Variants in COL27A1 observed in about 807,000 individuals in gnomAD.
COL27A1 encodes collagen type XXVII alpha 1 chain, also known as collagen alpha-1(XXVII) chain.
Under a neutral mutation model 251.3 loss-of-function variants are expected in COL27A1, and 106 were observed. That is an observed-to-expected ratio of 0.42 (90% CI 0.36 to 0.50). The LOEUF (loss-of-function observed/expected upper bound fraction) is 0.50. Among genes scored for constraint, COL27A1 ranks in the 20% least tolerant of loss-of-function variants. The probability of loss-of-function intolerance (pLI) is 0.00; values close to 1 mark genes in which losing one functional copy is unlikely to be tolerated. For missense variants in COL27A1, 2,325 were observed against 2,522.8 expected, an observed-to-expected ratio of 0.92 and a Z score of 1.68; for synonymous variants, 1,000 against 986.3, an observed-to-expected ratio of 1.01 and a Z score of -0.26.
At chr9:114,309,940 G>A (rs1335024571) in intron 60 of COL27A1, among the ~76,000 whole-genome samples, 3 of 152,230 alleles carry the variant, frequency 2.0e-5, no homozygotes, top group Admixed American at 6.5e-5. Context: ...GTGTTCATGA[G>A]GATGTGGGGA....
chr9:114,225,948 G>T (rs1439335532), intron 14 of COL27A1, among the ~76,000 whole-genome samples: 1 of 152,096 alleles, frequency 6.6e-6, no homozygotes, highest in Non-Finnish European at 1.5e-5. Flanking sequence ...TGGAAGTGTC[G>T]GGCTTGTCAC....
intron 8 of COL27A1, 41 bp from the exon 9 acceptor site, chr9:114,205,718 G>C: frequency 1.9e-6 from 3 of 1,590,768 alleles, no homozygotes; most frequent in Non-Finnish European, 2.6e-6. Context: ...GAGCTGGGCA[G>C]GGTCTTTCTT....
intron 49 of COL27A1, among the ~76,000 whole-genome samples, chr9:114,299,500 C>A (rs1161195671): frequency 2.6e-5 from 4 of 152,180 alleles, no homozygotes. Flanking sequence ...TTCCTGGAAT[C>A]GTTCACACTG....
rs1423059437 is a variant in COL27A1, at chr9:114,308,333, A to AATTTGG, written c.5217+556_5217+561dup. Among the ~76,000 whole-genome samples the AATTTGG allele has an allele frequency of 2.0e-5, 3 of 152,182 alleles. No homozygotes were observed. In the South Asian group the frequency reaches 6.2e-4, roughly 32 times the overall value. ...GTCTGTAGTTCCACTAAGCCTTCCG[A>AATTTGG]ATTTGGGGGCAATTTATGCCACAGT... On this transcript the variant is annotated intron_variant, in intron 59 of 60. Coordinates refer to ENST00000356083, the MANE Select transcript of COL27A1 (RefSeq NM_032888.4).
chr9:114,209,683 TGG>T lies in COL27A1; in HGVS notation c.2279_2280del (p.Gly760AlafsTer11). ...TTTCTTCTCTTTCCTAGGGCTACATTGGGCTCCCAGGGCTCTTCGGCCTGCCA... is the reference window on the plus strand; with the variant it reads ...TTTCTTCTCTTTCCTAGGGCTACATTGCTCCCAGGGCTCTTCGGCCTGCCA... The part of the protein sequence containing the change: ...PGPKGSRGYI[G>X]LPGLFGLPGS... On this transcript the variant is annotated frameshift_variant, in exon 11 of 61. Coordinates refer to ENST00000356083, the MANE Select transcript of COL27A1 (RefSeq NM_032888.4). LOFTEE classifies it high-confidence loss of function. 1 of 1,614,158 alleles carries T rather than the reference TGG, an allele frequency of 6.2e-7. No homozygotes were observed. The highest frequency in any genetic ancestry group is 8.5e-7 in the Non-Finnish European group (1 of 1,180,004).
At chr9:114,252,467 C>T (rs947926346) in intron 25 of COL27A1, 126 bp from the exon 26 acceptor site, 7 of 765,358 alleles carry the variant, frequency 9.1e-6, no homozygotes, top group African/African-American at 1.7e-5. Context: ...AGGCAGGGAC[C>T]CTCTAGAGAC....
At chr9:114,225,667 G>C (rs1223734309) in intron 14 of COL27A1, among the ~76,000 whole-genome samples, 1 of 152,232 alleles carries the variant, frequency 6.6e-6, no homozygotes, top group African/African-American at 2.4e-5. Context: ...TTTTCCAGAG[G>C]ATGTGGGTTT....
rs1474317913 is a variant in COL27A1, at chr9:114,291,067, G to T, written c.4476+150G>T. 5.2e-6 allele frequency: 3 copies of T among 577,316 alleles called. No homozygotes were observed. In the East Asian group the frequency reaches 9.4e-5, roughly 18 times the overall value. 35.8% of individuals were successfully genotyped at this position (577,316 alleles called of 1,614,324 possible). Reference sequence around the variant, plus strand: ...GACCTTTCTCCGTCAGCAGTGCTTGGGGGTCCTGCCCCAAGCTTGAACCAG... The same window carrying T: ...GACCTTTCTCCGTCAGCAGTGCTTGTGGGTCCTGCCCCAAGCTTGAACCAG... On this transcript the variant is annotated intron_variant, in intron 48 of 60. Coordinates refer to ENST00000356083, the MANE Select transcript of COL27A1 (RefSeq NM_032888.4).
intron 14 of COL27A1, 27 bp from the exon 15 acceptor site, chr9:114,231,052 C>T (rs1831911500): frequency 1.2e-6 from 2 of 1,608,444 alleles, no homozygotes; most frequent in Admixed American, 1.7e-5. Context: ...CTGCTCACAG[C>T]ACCCTCTTCT....
chr9:114,206,120 A>G, intron 9 of COL27A1, 132 bp from the exon 10 acceptor site: 2 of 883,842 alleles, frequency 2.3e-6, no homozygotes, highest in Non-Finnish European at 3.7e-6. Flanking sequence ...CAGGCCAAAG[A>G]TCGCTGATCT....
Position 114,228,606 on chromosome 9 carries a change from C to A in COL27A1, c.2467-2473C>A, listed in dbSNP as rs139178102. Among the ~76,000 whole-genome samples, 369 of 152,354 alleles carry A rather than the reference C, an allele frequency of 2.4e-3. 7 individuals are homozygous for A. Among genetic ancestry groups the A allele is most frequent in the Admixed American group, 0.019 (297 of 15,308 alleles). On this transcript the variant is annotated intron_variant, in intron 14 of 60. Coordinates refer to ENST00000356083, the MANE Select transcript of COL27A1 (RefSeq NM_032888.4). ...CCCCGACTCCGTGATATCGCTGGAG[C>A]CCTAACCTCTCAGAGCCTCAGTTTC...
At chr9:114,254,512 G>A (rs1485252390) in intron 27 of COL27A1, among the ~76,000 whole-genome samples, 2 of 152,110 alleles carry the variant, frequency 1.3e-5, no homozygotes, top group Non-Finnish European at 1.5e-5. Flanking sequence ...AGCCCAGTCC[G>A]AGGTGGGCTT....
chr9:114,281,730 C>T (rs1835923041), intron 37 of COL27A1, among the ~76,000 whole-genome samples: 1 of 152,190 alleles, frequency 6.6e-6, no homozygotes, highest in South Asian at 2.1e-4. Flanking sequence ...TGGTAAGAGC[C>T]CTGGGCATGG....
chr9:114,238,903 A>T (rs1832572510), intron 19 of COL27A1, among the ~76,000 whole-genome samples: 3 of 152,172 alleles, frequency 2.0e-5, no homozygotes, highest in Admixed American at 2.0e-4. Flanking sequence ...CAGTTGAAGA[A>T]ACTGAGTCAC....
At chr9:114,282,049 C>T (rs114279613) in intron 37 of COL27A1, among the ~76,000 whole-genome samples, 196 of 152,330 alleles carry the variant, frequency 1.3e-3, no homozygotes, top group African/African-American at 4.6e-3. Flanking sequence ...GTTCTTACAT[C>T]GCCAGGTCGA....
At position 114,155,922 on chromosome 9, in the gene COL27A1, G is replaced by C. The variant is rs368463689; in HGVS notation, c.-29G>C. 9.8e-3 allele frequency: 11,989 copies of C among 1,227,598 alleles called. 82 individuals are homozygous for C. The highest frequency in any genetic ancestry group is 0.027 in the South Asian group (697 of 26,020). The allele number at this position is 1,227,598 out of a possible 1,614,324, so 76.0% of individuals were successfully genotyped here. On this transcript the variant is annotated 5_prime_UTR_variant, in exon 1 of 61. Coordinates refer to ENST00000356083, the MANE Select transcript of COL27A1 (RefSeq NM_032888.4). The surrounding 1 kb of genome is among the most constrained non-coding windows in gnomAD (Gnocchi z 5.5). ...GGGGCGCGCCCACACTTGCCCCCCG[G>C]GCTCGGGAGCATGAAGTAGGGGCCT... is the stretch of plus-strand genomic sequence containing the variant.
intron 60 of COL27A1, among the ~76,000 whole-genome samples, chr9:114,309,948 G>A (rs1829331102): frequency 6.6e-6 from 1 of 152,164 alleles, no homozygotes; most frequent in Non-Finnish European, 1.5e-5. Context: ...GAGGATGTGG[G>A]GAAACCAACA....
chr9:114,302,465 G>T (rs914061044), intron 56 of COL27A1, among the ~76,000 whole-genome samples: 7 of 152,132 alleles, frequency 4.6e-5, no homozygotes, highest in African/African-American at 1.7e-4. Flanking sequence ...AGTGGCTCAT[G>T]CCTGTAATCC....
chr9:114,234,008 T>C (rs950028278), intron 16 of COL27A1, among the ~76,000 whole-genome samples: 20 of 152,058 alleles, frequency 1.3e-4, no homozygotes, highest in African/African-American at 4.8e-4. Flanking sequence ...TCCCAGATTT[T>C]CCATGACCCA....
Sources: allele counts gnomAD v4.1 joint callset (sites outside exome capture counted in the v4.1 genomes callset), GRCh38; gene constraint gnomAD v4.1.1; non-coding constraint Gnocchi (gnomAD v3.1); transcripts MANE v1.5; gene names NCBI Gene and HGNC (gene_info 2026-07-23, HGNC 2026-07-21).